TYW1: variants seen among roughly 807,000 people sequenced by gnomAD.
The protein encoded by TYW1 is S-adenosyl-L-methionine-dependent tRNA 4-demethylwyosine synthase TYW1.
Under a neutral mutation model 96.2 loss-of-function variants are expected in TYW1, and 46 were observed. The observed-to-expected ratio is 0.48, with a 90% CI of 0.38 to 0.61. The LOEUF is 0.61. TYW1 is among the 20% of genes least tolerant of loss of function. The pLI, the probability that TYW1 is intolerant of heterozygous loss-of-function variation, is 0.00. For synonymous variants in TYW1, 274 were observed against 323.0 expected, an observed-to-expected ratio of 0.85 and a Z score of 1.63; for missense variants, 684 against 909.6, an observed-to-expected ratio of 0.75 and a Z score of 3.19.
In TYW1 at chr7:67,071,125, C is replaced by T. The variant is rs879356468; in HGVS notation, c.1274+3722C>T. Among the ~76,000 whole-genome samples the T allele has an allele frequency of 1.5e-3, 212 of 138,976 alleles. 1 individual carries two copies. The highest frequency in any genetic ancestry group is 2.5e-3 in the Non-Finnish European group (157 of 63,162). 91.2% of individuals were successfully genotyped at this position (138,976 alleles called of 152,430 possible). On this transcript the variant is annotated intron_variant, in intron 10 of 15. Coordinates refer to ENST00000359626, the MANE Select transcript of TYW1 (RefSeq NM_018264.4). ...CAGCCTGGGCAACAGAGCAAGACTC[C>T]GTCTCAAAAAAAAAAAGGAAACTGC... is the stretch of plus-strand genomic sequence containing the variant.
chr7:67,171,961 T>C (rs1799527470), intron 13 of TYW1, among the ~76,000 whole-genome samples: 3 of 152,318 alleles, frequency 2.0e-5, no homozygotes, highest in South Asian at 4.1e-4. Context: ...GCATCTCTGC[T>C]TCCATCTGAA....
At chr7:67,077,136 C>T (rs959794855) in intron 10 of TYW1, among the ~76,000 whole-genome samples, 4 of 152,094 alleles carry the variant, frequency 2.6e-5, no homozygotes, top group African/African-American at 9.7e-5. Flanking sequence ...TTCCTTTATC[C>T]ATTTATCTGC....
chr7:67,214,068 T>C (rs922316935), intron 15 of TYW1, among the ~76,000 whole-genome samples: 1 of 152,208 alleles, frequency 6.6e-6, no homozygotes, highest in African/African-American at 2.4e-5. Flanking sequence ...GGATTTTGAT[T>C]GGGATTGCCC....
chr7:67,193,939 G>A (rs752962826), intron 14 of TYW1, among the ~76,000 whole-genome samples: 11 of 151,854 alleles, frequency 7.2e-5, no homozygotes, highest in Middle Eastern at 3.4e-3. Flanking sequence ...CCCACTTAGC[G>A]GAATCATTTC....
intron 15 of TYW1, among the ~76,000 whole-genome samples, chr7:67,212,102 C>A (rs530557187): frequency 6.6e-6 from 1 of 152,284 alleles, no homozygotes; most frequent in African/African-American, 2.4e-5. Context: ...AAAAATGCCC[C>A]TGCACTTCCT....
intron 15 of TYW1, among the ~76,000 whole-genome samples, chr7:67,219,991 A>T (rs1477882019): frequency 6.7e-6 from 1 of 150,178 alleles, no homozygotes; most frequent in Non-Finnish European, 1.5e-5. Flanking sequence ...CTCCTTTTTT[A>T]AAAATCAGTG....
intron 13 of TYW1, among the ~76,000 whole-genome samples, chr7:67,167,010 T>A (rs1378148673): frequency 6.6e-6 from 1 of 152,170 alleles, no homozygotes; most frequent in African/African-American, 2.4e-5. Flanking sequence ...TGTCTTTTTC[T>A]TATTGGTTTA....
At chr7:67,061,346 A>G (rs1795688218) in intron 9 of TYW1, among the ~76,000 whole-genome samples, 1 of 152,260 alleles carries the variant, frequency 6.6e-6, no homozygotes, top group Non-Finnish European at 1.5e-5. Flanking sequence ...CACGTAGATA[A>G]CAAGAACTTT....
rs558700275 is a variant in TYW1, at chr7:67,199,689, C to G, written c.1977+4352C>G. Among the ~76,000 whole-genome samples the G allele has an allele frequency of 5.3e-5, 8 of 152,264 alleles. No individual in the cohort carries two copies. The East Asian group carries it at 1.5e-3, about 29-fold the overall frequency. On this transcript the variant is annotated intron_variant, in intron 15 of 15. Transcript: ENST00000359626. ...AATTCTACTCTTTGTCCCAGTGGGTCATTATTCATTACTGTACTGATTTTA... is the reference window on the plus strand; with the variant it reads ...AATTCTACTCTTTGTCCCAGTGGGTGATTATTCATTACTGTACTGATTTTA...
chr7:67,109,409 A>G (rs1797336712), intron 12 of TYW1, among the ~76,000 whole-genome samples: 1 of 152,004 alleles, frequency 6.6e-6, no homozygotes, highest in Admixed American at 6.6e-5. Context: ...TGTGAAAACA[A>G]TGAGAATACT....
intron 12 of TYW1, chr7:67,114,396 A>G (rs1797524442): frequency 6.5e-6 from 1 of 153,462 alleles, no homozygotes; most frequent in Non-Finnish European, 1.5e-5. Context: ...ATCTCTACAG[A>G]AAGGCAACAT....
intron 15 of TYW1, among the ~76,000 whole-genome samples, chr7:67,225,214 A>G (rs1801522119): frequency 1.3e-5 from 2 of 148,328 alleles, no homozygotes; most frequent in Admixed American, 6.8e-5. Context: ...AAAAAAAAAA[A>G]GTAGAAGTCT....
In TYW1 at chr7:67,204,878, C is replaced by T. The variant is rs191743076; in HGVS notation, c.1977+9541C>T. ...CTGGGATTACAGGCATGAGCCACCACGCCCAGCCAACTTTCTATTTATCAT... is the reference window on the plus strand; with the variant it reads ...CTGGGATTACAGGCATGAGCCACCATGCCCAGCCAACTTTCTATTTATCAT... On this transcript the variant is annotated intron_variant, in intron 15 of 15. Transcript: ENST00000359626. Among the ~76,000 whole-genome samples, 677 of 152,262 alleles carry T rather than the reference C, an allele frequency of 4.4e-3. 3 individuals carry two copies. Among genetic ancestry groups the T allele is most frequent in the Non-Finnish European group, 7.4e-3 (501 of 68,016 alleles).
chr7:67,066,444 C>T (rs576755513), intron 9 of TYW1, among the ~76,000 whole-genome samples: 21 of 152,206 alleles, frequency 1.4e-4, no homozygotes, highest in African/African-American at 5.1e-4. Flanking sequence ...TTATATGACT[C>T]GTGATATTTG....
intron 8 of TYW1, among the ~76,000 whole-genome samples, chr7:67,054,107 T>C (rs1251445278): frequency 6.6e-6 from 1 of 152,218 alleles, no homozygotes; most frequent in Admixed American, 6.5e-5. Context: ...ATCTGTTGTT[T>C]CATATATTTT....
At chr7:67,033,083 G>A (rs185656374) in intron 7 of TYW1, among the ~76,000 whole-genome samples, 1 of 151,808 alleles carries the variant, frequency 6.6e-6, no homozygotes, top group African/African-American at 2.4e-5. Context: ...TTTTAGTAGA[G>A]ATGGAGTTTC....
At chr7:67,090,073 T>C (rs1417785005) in intron 11 of TYW1, among the ~76,000 whole-genome samples, 1 of 152,260 alleles carries the variant, frequency 6.6e-6, no homozygotes, top group Non-Finnish European at 1.5e-5. Flanking sequence ...TTTTTATCTA[T>C]ACTTTAGGCT....
At chr7:67,090,417 T>C (rs1796677214) in intron 11 of TYW1, among the ~76,000 whole-genome samples, 1 of 152,216 alleles carries the variant, frequency 6.6e-6, no homozygotes, top group South Asian at 2.1e-4. Context: ...ATTTGTGTGT[T>C]ATTTGGTTTA....
rs369528145 is a variant in TYW1 at position 67,013,044 on chromosome 7, T to A, written c.376-1323T>A. ...AATGGTGCCAAGTGTTAAATTACTTTATGTTTAAAACTTTTTATTGCTTTA... is the reference window on the plus strand; with the variant it reads ...AATGGTGCCAAGTGTTAAATTACTTAATGTTTAAAACTTTTTATTGCTTTA... On this transcript the variant is annotated intron_variant, in intron 4 of 15. Transcript: ENST00000359626. Among the ~76,000 whole-genome samples, 147 of 151,866 alleles carry A rather than the reference T, an allele frequency of 9.7e-4. 1 individual carries two copies. Among genetic ancestry groups the A allele is most frequent in the East Asian group, 2.3e-3 (12 of 5,158 alleles).
Sources: gnomAD v4.1 joint callset for allele counts (sites outside exome capture counted in the v4.1 genomes callset) on GRCh38, gnomAD v4.1.1 for gene constraint, MANE v1.5 for transcripts, NCBI Gene and HGNC (gene_info 2026-07-23, HGNC 2026-07-21) for gene names.